Variants in CCNH observed in about 807,000 individuals in gnomAD.
CCNH encodes cyclin-H.
In CCNH, 31 loss-of-function variants were observed where a neutral mutation model predicts 41.9. The ratio of observed to expected loss-of-function variants is 0.74; its 90% CI spans 0.56 to 1.00. The LOEUF (loss-of-function observed/expected upper bound fraction) is 1.00, where lower values mean the gene tolerates loss of function less well. Ranked by LOEUF, CCNH falls within the 50% of genes least tolerant of loss-of-function variation. The pLI is 0.00. For synonymous variants in CCNH, 138 were observed against 136.1 expected, an observed-to-expected ratio of 1.01 and a Z score of -0.10; for missense variants, 362 against 388.4, an observed-to-expected ratio of 0.93 and a Z score of 0.57.
chr5:87,332,813 AAG>A (rs1757693921), intron 9 of CCNH, among the ~76,000 whole-genome samples: 1 of 152,214 alleles, frequency 6.6e-6, no homozygotes, highest in African/African-American at 2.4e-5. Flanking sequence ...TTGAAAAAAA[AAG>A]AAAATATTTT....
chr5:87,359,341 A>C (rs565418920), intron 9 of CCNH, among the ~76,000 whole-genome samples: 68 of 152,258 alleles, frequency 4.5e-4, no homozygotes, highest in African/African-American at 1.6e-3. Flanking sequence ...TCTAAGAACT[A>C]TCTCTCAGGC....
intron 9 of CCNH, among the ~76,000 whole-genome samples, chr5:87,360,389 A>ATC (rs1759994552): frequency 6.6e-6 from 1 of 152,126 alleles, no homozygotes; most frequent in Non-Finnish European, 1.5e-5. Flanking sequence ...CTCCTAAAGT[A>ATC]CTGGGATTAA....
At chr5:87,327,981 AAGAG>A (rs763164073) in intron 9 of CCNH, among the ~76,000 whole-genome samples, 96 of 152,154 alleles carry the variant, frequency 6.3e-4, no homozygotes, top group African/African-American at 2.1e-3. Flanking sequence ...AAAAAAAAAA[AAGAG>A]AGAGAACTTC....
At chr5:87,412,583 C>G in intron 1 of CCNH, 95 bp downstream of exon 1, 1 of 1,520,184 alleles carries the variant, frequency 6.6e-7, no homozygotes, top group Non-Finnish European at 8.9e-7. Flanking sequence ...GGCAGAGAAA[C>G]GACGGAGCGA....
intron 9 of CCNH, chr5:87,338,052 T>C (rs1392877152): frequency 3.1e-6 from 5 of 1,612,220 alleles, no homozygotes; most frequent in Non-Finnish European, 3.4e-6. Context: ...TAAGAACAGA[T>C]GAACAAGGCC....
At chr5:87,381,999 T>G (rs1761750089), upstream of CCNH, among the ~76,000 whole-genome samples, 1 of 152,214 alleles carries the variant, frequency 6.6e-6, no homozygotes, top group South Asian at 2.1e-4. Flanking sequence ...TTGCCCATGC[T>G]GGAGTGCAGT....
intron 9 of CCNH, chr5:87,353,007 A>G: frequency 1.6e-6 from 1 of 631,968 alleles, no homozygotes; most frequent in Non-Finnish European, 2.9e-6. Context: ...TATGAATGTT[A>G]TGATCATTTA....
At chr5:87,344,030 GAGAT>G (rs1405721740) in intron 9 of CCNH, among the ~76,000 whole-genome samples, 2 of 152,082 alleles carry the variant, frequency 1.3e-5, no homozygotes, top group Admixed American at 6.6e-5. Context: ...TTAACTCAGG[GAGAT>G]AGATAGTAGA....
upstream of CCNH, among the ~76,000 whole-genome samples, chr5:87,377,448 AG>A (rs1761402977): frequency 6.6e-6 from 1 of 152,100 alleles, no homozygotes; most frequent in Admixed American, 6.5e-5. Flanking sequence ...CTCCTGCCTC[AG>A]CCTCCTAAGT....
chr5:87,370,856 C>T (rs1466293571), intron 9 of CCNH, among the ~76,000 whole-genome samples: 3 of 152,096 alleles, frequency 2.0e-5, no homozygotes, highest in East Asian at 3.9e-4. Context: ...TAGATCCTAG[C>T]GTGAGACTCA....
At chr5:87,332,706 TA>T in intron 9 of CCNH, 16 of 1,445,036 alleles carry the variant, frequency 1.1e-5, no homozygotes, top group Non-Finnish European at 1.4e-5. Context: ...TGGTTTTAGC[TA>T]TTGCTCAGTT....
At chr5:87,374,114 A>G, downstream of CCNH, 1 of 1,270,042 alleles carries the variant, frequency 7.9e-7, no homozygotes, top group Non-Finnish European at 1.0e-6. Flanking sequence ...ATGTAGTGCA[A>G]TTCTAGAAAT....
chr5:87,405,045 G>A (rs748941550), intron 4 of CCNH, 38 bp from the exon 5 acceptor site: 1 of 1,483,768 alleles, frequency 6.7e-7, no homozygotes, highest in Non-Finnish European at 9.3e-7. Flanking sequence ...ATTTCTGAGG[G>A]TTTAAATGGA....
chr5:87,374,824 C>T (rs780047662), downstream of CCNH: 106 of 1,606,286 alleles, frequency 6.6e-5, no homozygotes, highest in Non-Finnish European at 8.7e-5. Context: ...AATTCTTTTT[C>T]TCCTTGCTCC....
downstream of CCNH, chr5:87,386,828 G>A: frequency 6.2e-7 from 1 of 1,612,260 alleles, no homozygotes; most frequent in Non-Finnish European, 8.5e-7. Flanking sequence ...TTTTTCAGGA[G>A]CCCTACATGG....
intron 9 of CCNH, among the ~76,000 whole-genome samples, chr5:87,320,643 T>C (rs901827385): frequency 6.6e-6 from 1 of 152,166 alleles, no homozygotes; most frequent in Non-Finnish European, 1.5e-5. Context: ...TTTGCCTTCA[T>C]GATTCAATCA....
downstream of CCNH, chr5:87,374,848 C>T (rs1761214742): frequency 1.9e-6 from 3 of 1,609,028 alleles, no homozygotes; most frequent in Middle Eastern, 1.7e-4. Context: ...AGTGATCTTC[C>T]TCCTGACATC....
downstream of CCNH, chr5:87,391,985 G>A (rs1411333366): frequency 4.2e-6 from 1 of 240,008 alleles, no homozygotes; most frequent in Non-Finnish European, 8.3e-6. Context: ...TTCAGGGGCA[G>A]TTTAAACCTT....
At chr5:87,325,045 A>G (rs1419538171) in intron 9 of CCNH, among the ~76,000 whole-genome samples, 5 of 152,160 alleles carry the variant, frequency 3.3e-5, no homozygotes, top group Non-Finnish European at 5.9e-5. Context: ...TATAAAGGAA[A>G]GAGGCTTAAT....
Sources: gnomAD v4.1 joint callset for allele counts (sites outside exome capture counted in the v4.1 genomes callset) on GRCh38, gnomAD v4.1.1 for gene constraint, MANE v1.5 for transcripts, NCBI Gene and HGNC (gene_info 2026-07-23, HGNC 2026-07-21) for gene names.